The following EMC7 variants were observed in gnomAD, a reference collection of about 807,000 sequenced individuals.
EMC7 encodes the protein endoplasmic reticulum membrane protein complex subunit 7.
A neutral mutation model predicts 24.4 loss-of-function variants in EMC7; 4 were observed. That is an observed-to-expected ratio of 0.16 (90% confidence interval 0.08 to 0.38). The LOEUF is 0.38. EMC7 is among the 10% of genes least tolerant of loss of function. The probability of loss-of-function intolerance (pLI) is 1.00; values close to 1 mark genes in which losing one functional copy is unlikely to be tolerated. For synonymous variants in EMC7, 106 were observed against 112.0 expected (o/e 0.95, Z 0.34); for missense variants, 221 against 300.6 (o/e 0.74, Z 1.96).
intron 4 of EMC7, among the ~76,000 whole-genome samples, chr15:34,086,982 A>C (rs917592375): frequency 5.3e-5 from 8 of 152,222 alleles, no homozygotes; most frequent in Admixed American, 2.6e-4. Flanking sequence ...CTACTACCTT[A>C]GCAAACATTT....
Position 34,084,213 on chromosome 15 carries a change from T to C in EMC7, c.*121A>G. The C allele has an allele frequency of 8.0e-7, 1 of 1,246,138 alleles. No homozygotes were observed. Among genetic ancestry groups the C allele is most frequent in the Non-Finnish European group, 1.1e-6 (1 of 904,834 alleles). 77.2% of individuals were successfully genotyped at this position (1,246,138 alleles called of 1,614,324 possible). A position where few individuals can be genotyped will look rare whatever the true frequency, so the allele number is the denominator to read the frequency against. On this transcript the variant is annotated 3_prime_UTR_variant, in exon 5 of 5. Transcript: ENST00000256545. ...TGTGCTAAAAAGTTAACATACACAGTTGTAAGAGATCAACGTCGGGATGAC... is the reference window on the plus strand; with the variant it reads ...TGTGCTAAAAAGTTAACATACACAGCTGTAAGAGATCAACGTCGGGATGAC...
chr15:34,091,044 C>CTA (rs1489999188), intron 2 of EMC7, among the ~76,000 whole-genome samples: 19 of 152,186 alleles, frequency 1.2e-4, no homozygotes, highest in Admixed American at 1.2e-3. Flanking sequence ...ACTGCCTCTC[C>CTA]TATTTCACTG....
chr15:34,093,683 T>C (rs1901013948), intron 2 of EMC7, among the ~76,000 whole-genome samples: 1 of 149,440 alleles, frequency 6.7e-6, no homozygotes, highest in Non-Finnish European at 1.5e-5. Flanking sequence ...TACCCCTCCA[T>C]TTCCAAGCTT....
intron 2 of EMC7, among the ~76,000 whole-genome samples, chr15:34,095,692 A>T (rs1253054573): frequency 6.6e-6 from 1 of 152,218 alleles, no homozygotes; most frequent in Non-Finnish European, 1.5e-5. Context: ...CTTTAAAATA[A>T]ATTTTAAGCC....
chr15:34,093,823 A>ATATATATATTTTTTTT (rs1190830993), intron 2 of EMC7, among the ~76,000 whole-genome samples: 2 of 48,696 alleles, frequency 4.1e-5, no homozygotes, highest in South Asian at 1.1e-3. Flanking sequence ...ATATATATAT[A>ATATATATATTTTTTTT]TTTTTTTTTT....
intron 2 of EMC7, among the ~76,000 whole-genome samples, chr15:34,093,605 C>A (rs1465032269): frequency 6.7e-6 from 1 of 150,094 alleles, no homozygotes; most frequent in African/African-American, 2.5e-5. Context: ...CTCATTCCGT[C>A]CAATATTGTG....
intron 4 of EMC7, 78 bp downstream of exon 4, chr15:34,087,975 G>T (rs75557537): frequency 8.0e-7 from 1 of 1,242,564 alleles, no homozygotes. Flanking sequence ...AACTGATTGT[G>T]CCACTGCATT....
intron 4 of EMC7, chr15:34,086,095 A>C (rs1422606757): frequency 6.0e-6 from 2 of 335,810 alleles, no homozygotes; most frequent in Admixed American, 7.1e-5. Flanking sequence ...AACTTCCAGA[A>C]GCCACTGGGT....
chr15:34,091,861 A>G (rs1039755203), intron 2 of EMC7, among the ~76,000 whole-genome samples: 15 of 152,256 alleles, frequency 9.9e-5, no homozygotes, highest in African/African-American at 3.6e-4. Flanking sequence ...ATTTATTAAT[A>G]AAAGAAAATG....
rs1168342263 is a variant in EMC7, at chr15:34,101,530, C to A, written c.236+74G>T. ...AGACAGCGACGTTGTCCCGTCCTGA[C>A]ACTTAACTCTCCTGGTGGGGTCCCT... On this transcript the variant is annotated intron_variant, in intron 1 of 4. Coordinates refer to ENST00000256545, the MANE Select transcript of EMC7 (RefSeq NM_020154.3). 6.0e-6 allele frequency: 9 copies of A among 1,498,240 alleles called. No individual in the cohort carries two copies. In the East Asian group the frequency reaches 2.0e-4, roughly 34 times the overall value. 92.8% of individuals were successfully genotyped at this position (1,498,240 alleles called of 1,614,324 possible).
intron 3 of EMC7, 67 bp downstream of exon 3, chr15:34,090,250 T>G: frequency 1.3e-6 from 2 of 1,488,888 alleles, no homozygotes; most frequent in Non-Finnish European, 1.8e-6. Context: ...CACAGAGGTT[T>G]GAAGTTTCCA....
At chr15:34,096,569 T>C (rs1258638357) in intron 1 of EMC7, among the ~76,000 whole-genome samples, 2 of 152,288 alleles carry the variant, frequency 1.3e-5, no homozygotes, top group African/African-American at 2.4e-5. Context: ...TTTCCTTCTA[T>C]GGGTAGAGAT....
At chr15:34,092,816 A>G (rs1288331546) in intron 2 of EMC7, among the ~76,000 whole-genome samples, 1 of 152,182 alleles carries the variant, frequency 6.6e-6, no homozygotes, top group Non-Finnish European at 1.5e-5. Flanking sequence ...TAAAAAGGCA[A>G]TGAAAACTTT....
intron 1 of EMC7, among the ~76,000 whole-genome samples, chr15:34,100,211 T>C (rs1374234632): frequency 6.6e-6 from 1 of 152,112 alleles, no homozygotes; most frequent in Non-Finnish European, 1.5e-5. Context: ...CATGATGGTG[T>C]CCGCCTGTAG....
chr15:34,097,039 C>CTTTTTTTTTTTTT (rs553769836), intron 1 of EMC7, among the ~76,000 whole-genome samples: 7,991 of 97,170 alleles, frequency 0.082, 1,081 homozygotes, highest in African/African-American at 0.19. Context: ...TGTTCTTCTT[C>CTTTTTTTTTTTTT]TTTTTTTTTT....
chr15:34,084,059 T>C lies in EMC7; in HGVS notation c.*275A>G, dbSNP rs1900835788. 1 of 300,392 alleles carries C rather than the reference T, an allele frequency of 3.3e-6. No individual in the cohort carries two copies. The highest frequency in any genetic ancestry group is 6.1e-6 in the Non-Finnish European group (1 of 164,928). The allele number at this position is 300,392 out of a possible 1,614,324, so 18.6% of individuals were successfully genotyped here. On this transcript the variant is annotated 3_prime_UTR_variant, in exon 5 of 5. Transcript: ENST00000256545. ...GATGTTTTAATTAATATACATAATGTATAGTAGTTCATATAATTTATTAAT... is the reference window on the plus strand; with the variant it reads ...GATGTTTTAATTAATATACATAATGCATAGTAGTTCATATAATTTATTAAT...
intron 2 of EMC7, among the ~76,000 whole-genome samples, chr15:34,094,127 A>G (rs1053940110): frequency 9.2e-5 from 14 of 151,996 alleles, no homozygotes; most frequent in Non-Finnish European, 1.9e-4. Flanking sequence ...TCTCTTGGAC[A>G]GGTGCAGTGG....
At chr15:34,089,562 C>T (rs140749429) in intron 3 of EMC7, among the ~76,000 whole-genome samples, 128 of 152,312 alleles carry the variant, frequency 8.4e-4, no homozygotes, top group African/African-American at 2.8e-3. Context: ...TAACTTTTCT[C>T]TTCACTACAC....
At chr15:34,087,604 C>G (rs943965725) in intron 4 of EMC7, among the ~76,000 whole-genome samples, 2 of 152,168 alleles carry the variant, frequency 1.3e-5, no homozygotes, top group Admixed American at 1.3e-4. Flanking sequence ...AAGTATTGTA[C>G]ATTTCAGCTA....
Sources: allele counts gnomAD v4.1 joint callset (sites outside exome capture counted in the v4.1 genomes callset), GRCh38; gene constraint gnomAD v4.1.1; transcripts MANE v1.5; gene names NCBI Gene and HGNC (gene_info 2026-07-23, HGNC 2026-07-21).